USP13: variants seen among roughly 807,000 people sequenced by gnomAD.
The protein encoded by USP13 is ubiquitin specific peptidase 13, also known as ubiquitin carboxyl-terminal hydrolase 13.
In USP13, 68 loss-of-function variants were observed where a neutral mutation model predicts 107.8. The observed-to-expected ratio is 0.63, with a 90% CI of 0.52 to 0.77. The LOEUF is 0.77. Ranked by LOEUF, USP13 falls within the 30% of genes least tolerant of loss-of-function variation. The pLI is 0.00. For missense variants in USP13, 945 were observed against 1,093.3 expected, an observed-to-expected ratio of 0.86 and a Z score of 1.91; for synonymous variants, 377 against 389.5, an observed-to-expected ratio of 0.97 and a Z score of 0.38.
chr3:179,755,676 T>C, intron 15 of USP13, among the ~76,000 whole-genome samples: 1 of 152,170 alleles, frequency 6.6e-6, no homozygotes, highest in East Asian at 1.9e-4. Flanking sequence ...GTCAGAAAAA[T>C]CTTGGTTTAA....
At position 179,653,043 on chromosome 3, in the gene USP13, C is replaced by A; in HGVS notation, c.-183C>A. On this transcript the variant is annotated 5_prime_UTR_variant, in exon 1 of 21. Coordinates refer to ENST00000263966, the MANE Select transcript of USP13 (RefSeq NM_003940.3). This position sits in a 1 kb window ranked among gnomAD's most constrained non-coding sequence, Gnocchi z 4.0. ...TTGGATTAAAAATAGCGTCGCCAGT[C>A]CGCCCCAAGCCCGCGGTGCCCGCTC... 6.6e-6 allele frequency: 2 copies of A among 300,950 alleles called. No homozygotes were observed. The highest frequency in any genetic ancestry group is 1.2e-4 in the South Asian group (1 of 8,472). 18.6% of individuals were successfully genotyped at this position (300,950 alleles called of 1,614,324 possible).
At chr3:179,688,829 T>G (rs1711990229) in intron 2 of USP13, among the ~76,000 whole-genome samples, 1 of 152,234 alleles carries the variant, frequency 6.6e-6, no homozygotes, top group Admixed American at 6.5e-5. Context: ...TTTCATCCCT[T>G]TTTGAAGCAG....
At chr3:179,698,538 A>G (rs1712396916) in intron 3 of USP13, among the ~76,000 whole-genome samples, 1 of 151,874 alleles carries the variant, frequency 6.6e-6, no homozygotes, top group Admixed American at 6.6e-5. Flanking sequence ...TAAGATTTGA[A>G]TTAACTTTAA....
chr3:179,780,248 A>G (rs1715699168), intron 19 of USP13, among the ~76,000 whole-genome samples: 1 of 152,216 alleles, frequency 6.6e-6, no homozygotes, highest in Admixed American at 6.5e-5. Context: ...AGGCAAGAAA[A>G]AGAAGTAAAA....
intron 19 of USP13, among the ~76,000 whole-genome samples, chr3:179,766,631 A>G (rs1402625792): frequency 1.3e-5 from 2 of 152,214 alleles, no homozygotes; most frequent in Non-Finnish European, 1.5e-5. Context: ...ACACTTATGT[A>G]TGTCACTATG....
At chr3:179,684,144 A>G (rs536942386) in intron 2 of USP13, among the ~76,000 whole-genome samples, 116 of 152,004 alleles carry the variant, frequency 7.6e-4, no homozygotes, top group Non-Finnish European at 1.2e-3. Flanking sequence ...TATTTTTAGT[A>G]GAGACAGGGT....
chr3:179,760,282 GTT>G (rs1363561918), intron 16 of USP13, among the ~76,000 whole-genome samples: 7 of 123,438 alleles, frequency 5.7e-5, no homozygotes, highest in Non-Finnish European at 1.7e-5. Flanking sequence ...GTCTCTTAAT[GTT>G]TTTTTTTTTT....
At chr3:179,670,707 AT>A (rs957343506) in intron 1 of USP13, among the ~76,000 whole-genome samples, 6 of 150,774 alleles carry the variant, frequency 4.0e-5, no homozygotes, top group Non-Finnish European at 5.9e-5. Context: ...TTATTTTTTT[AT>A]TTTTTTTGAG....
At chr3:179,775,338 C>T (rs946410385) in intron 19 of USP13, among the ~76,000 whole-genome samples, 10 of 151,324 alleles carry the variant, frequency 6.6e-5, no homozygotes, top group South Asian at 4.2e-4. Context: ...GAGTACTGAT[C>T]GGTGCATCCA....
Position 179,730,241 on chromosome 3 carries a change from C to A in USP13, c.1141C>A (p.Gln381Lys). The change falls in exon 9 of 21, where the codon CAA becomes AAA. Residue 381 changes from glutamine to lysine, a missense_variant. Physicochemically the swap from Gln to Lys is moderately conservative, Grantham distance 53. Coordinates refer to ENST00000263966, the MANE Select transcript of USP13 (RefSeq NM_003940.3). ...IFDYSPLDPT[Q>K]DFNTQMTKLG... ...TGACTACTCGCCTTTAGATCCAACA[C>A]AAGATTTCAACACACAGATGTAAGT... 1 of 1,612,082 alleles carries A rather than the reference C, an allele frequency of 6.2e-7. No homozygotes were observed. The highest frequency in any genetic ancestry group is 8.5e-7 in the Non-Finnish European group (1 of 1,179,596).
rs1358151659 is a variant in USP13, at chr3:179,653,143, C to T, written c.-83C>T. ...TTGCCCGCGCAGCCCGCCCGTCAGC[C>T]CGCTCGCTGGCGCCGCCGCCGCCGG... On this transcript the variant is annotated 5_prime_UTR_variant, in exon 1 of 21. Coordinates refer to ENST00000263966, the MANE Select transcript of USP13 (RefSeq NM_003940.3). The surrounding 1 kb of genome is among the most constrained non-coding windows in gnomAD (Gnocchi z 4.0). The T allele has an allele frequency of 9.8e-7, 1 of 1,022,216 alleles. No homozygotes were observed. Among genetic ancestry groups the T allele is most frequent in the African/African-American group, 1.7e-5 (1 of 57,596 alleles). 63.3% of individuals were successfully genotyped at this position (1,022,216 alleles called of 1,614,324 possible). A position where few individuals can be genotyped will look rare whatever the true frequency, so the allele number is the denominator to read the frequency against.
Position 179,783,579 on chromosome 3 carries a change from A to G in USP13, c.2499-469A>G, listed in dbSNP as rs537265562. ...AAGACTGAAATAAGCATTGTTGTACATAATTCTTTGACTCAATTTCTCAGG... is the reference window on the plus strand; with the variant it reads ...AAGACTGAAATAAGCATTGTTGTACGTAATTCTTTGACTCAATTTCTCAGG... On this transcript the variant is annotated intron_variant, in intron 20 of 20. Coordinates refer to ENST00000263966, the MANE Select transcript of USP13 (RefSeq NM_003940.3). 1.8e-4 allele frequency among the ~76,000 whole-genome samples: 28 copies of G among 152,358 alleles called. 3 individuals carry two copies. The highest frequency in any genetic ancestry group is 1.8e-3 in the Admixed American group (28 of 15,306).
Position 179,761,185 on chromosome 3 carries a change from T to C in USP13, c.2022T>C (p.Ala674=). 1.2e-6 allele frequency: 2 copies of C among 1,614,200 alleles called. No individual in the cohort carries two copies. Among genetic ancestry groups the C allele is most frequent in the South Asian group, 2.2e-5 (2 of 91,080 alleles). ...MGFPLEACRK[A]VYFTGNMGAE... is the part of the protein sequence containing the mutation. ...TCCCGCTGGAAGCATGTCGCAAGGC[T>C]GTGTACTTCACTGGAAATATGGGCG... The change falls in exon 17 of 21, where the codon GCT becomes GCC. Residue 674 remains alanine, a synonymous_variant. Coordinates refer to ENST00000263966, the MANE Select transcript of USP13 (RefSeq NM_003940.3).
rs183748482 is a variant in USP13, at chr3:179,674,082, G to C, written c.169-7796G>C. Among the ~76,000 whole-genome samples the C allele has an allele frequency of 3.5e-3, 537 of 152,054 alleles. 1 individual carries two copies. The highest frequency in any genetic ancestry group is 0.01 in the Middle Eastern group (3 of 290). ...CTAATTTTGTATTTTTAGTAGAGGC[G>C]GGGTTTCTCCATGTTGGCCAGGCTG... On this transcript the variant is annotated intron_variant, in intron 1 of 20. Transcript: ENST00000263966.
intron 3 of USP13, among the ~76,000 whole-genome samples, chr3:179,694,358 T>C (rs139397160): frequency 2.0e-5 from 3 of 152,170 alleles, no homozygotes; most frequent in African/African-American, 4.8e-5. Flanking sequence ...GGTGATGTGA[T>C]GGCCTCATGT....
chr3:179,784,068 A>T lies in USP13; in HGVS notation c.2519A>T (p.His840Leu), dbSNP rs1335198304. The T allele has an allele frequency of 1.9e-6, 3 of 1,613,024 alleles. No individual in the cohort carries two copies. The East Asian group carries it at 6.7e-5, about 36-fold the overall frequency. Reference sequence around the variant, plus strand: ...TTCAGATGGGTGATTTACAATGACCACAAAGTTTGTGCCTCAGAAAGGCCC... The same window carrying T: ...TTCAGATGGGTGATTTACAATGACCTCAAAGTTTGTGCCTCAGAAAGGCCC... ...KEGRWVIYND[H>L]KVCASERPPK... The change falls in exon 21 of 21, where the codon CAC (histidine) becomes CTC (leucine). Residue 840 changes from histidine (H) to leucine (L), a missense_variant. Coordinates refer to ENST00000263966, the MANE Select transcript of USP13 (RefSeq NM_003940.3).
In USP13 at chr3:179,775,628, C is replaced by T. The variant is rs1715504156; in HGVS notation, c.2414-6111C>T. Among the ~76,000 whole-genome samples the T allele has an allele frequency of 2.0e-5, 3 of 152,334 alleles. No individual in the cohort carries two copies. The East Asian group carries it at 5.8e-4, about 29-fold the overall frequency. On this transcript the variant is annotated intron_variant, in intron 19 of 20. Transcript: ENST00000263966. ...GAGCCCACCACGGTGGGGGCTCAGG[C>T]ATGGCAGGCTGCAGGTCCCAAGGCC...
chr3:179,772,800 C>G (rs75637522), intron 19 of USP13, among the ~76,000 whole-genome samples: 6 of 152,156 alleles, frequency 3.9e-5, no homozygotes, highest in African/African-American at 1.4e-4. Context: ...GCATTGTAAC[C>G]GAGAGACTGG....
At position 179,673,071 on chromosome 3, in the gene USP13, G is replaced by C. The variant is rs1184716078; in HGVS notation, c.169-8807G>C. On this transcript the variant is annotated intron_variant, in intron 1 of 20. Transcript: ENST00000263966. Reference sequence around the variant, plus strand: ...AGAGCTGGGGCAGTAGGGTTCAAGTGTCCAGGCTGCTAAGAGTGACTTCAG... The same window carrying C: ...AGAGCTGGGGCAGTAGGGTTCAAGTCTCCAGGCTGCTAAGAGTGACTTCAG... 2.0e-5 allele frequency among the ~76,000 whole-genome samples: 3 copies of C among 152,174 alleles called. No homozygotes were observed. The East Asian group carries it at 5.8e-4, about 29-fold the overall frequency.
Sources: gnomAD v4.1 joint callset for allele counts (sites outside exome capture counted in the v4.1 genomes callset) on GRCh38, gnomAD v4.1.1 for gene constraint, Gnocchi (gnomAD v3.1) non-coding constraint, MANE v1.5 for transcripts, NCBI Gene and HGNC (gene_info 2026-07-23, HGNC 2026-07-21) for gene names.